CEACAM21: variants seen among roughly 807,000 people sequenced by gnomAD.
CEACAM21 encodes the protein cell adhesion molecule CEACAM21.
CEACAM21 carries 38 observed loss-of-function variants against 33.2 expected under a neutral mutation model. The observed-to-expected ratio is 1.14, with a 90% CI of 0.88 to 1.50. The LOEUF is 1.50. Ranked by LOEUF, CEACAM21 falls within the 40% of genes most tolerant of loss-of-function variation. CEACAM21 has a pLI of 0.00. For synonymous variants in CEACAM21, 156 were observed against 143.0 expected, an observed-to-expected ratio of 1.09 and a Z score of -0.65; for missense variants, 385 against 364.6, an observed-to-expected ratio of 1.06 and a Z score of -0.46.
chr19:41,576,705 G>T (rs1378285910), intron 1 of CEACAM21, among the ~76,000 whole-genome samples: 1 of 152,198 alleles, frequency 6.6e-6, no homozygotes, highest in East Asian at 1.9e-4. Flanking sequence ...GAACGCTCAT[G>T]AACTCATCCA....
intron 3 of CEACAM21, among the ~76,000 whole-genome samples, chr19:41,582,592 C>A (rs530064549): frequency 1.3e-5 from 2 of 152,378 alleles, no homozygotes; most frequent in Non-Finnish European, 1.5e-5. Context: ...TCCCAAACCT[C>A]AATCCTTGAC....
chr19:41,577,882 T>G (rs940761716), intron 2 of CEACAM21, among the ~76,000 whole-genome samples: 3 of 152,144 alleles, frequency 2.0e-5, no homozygotes, highest in Non-Finnish European at 4.4e-5. Flanking sequence ...TAGGACTCAG[T>G]CAGGGCCTGG....
At chr19:41,578,615 C>A (rs2043133549) in intron 2 of CEACAM21, among the ~76,000 whole-genome samples, 1 of 152,156 alleles carries the variant, frequency 6.6e-6, no homozygotes, top group Admixed American at 6.5e-5. Flanking sequence ...GCATCCTCAG[C>A]TCAGAGAGGG....
rs561080072 is a variant in CEACAM21 at position 41,586,417 on chromosome 19, G to A, written c.*1-47G>A. On this transcript the variant is annotated intron_variant, in intron 6 of 6. Coordinates refer to ENST00000401445, the MANE Select transcript of CEACAM21 (RefSeq NM_001098506.4). The stretch of plus-strand genomic sequence containing the variant: ...GGCCCAGAGAGAGATGCCAGACCCT[G>A]TTCTGAGAAGGCCTCAGGGGTCAAG... 9.8e-5 allele frequency: 61 copies of A among 622,046 alleles called. No individual in the cohort carries two copies. In the East Asian group the frequency reaches 2.4e-3, roughly 24 times the overall value. The allele number at this position is 622,046 out of a possible 1,614,324, so 38.5% of individuals were successfully genotyped here.
intron 3 of CEACAM21, among the ~76,000 whole-genome samples, chr19:41,580,997 A>G (rs1555793328): frequency 6.6e-6 from 1 of 152,238 alleles, no homozygotes; most frequent in Non-Finnish European, 1.5e-5. Context: ...GATTCTAAGG[A>G]CTTTAGAGTC....
At chr19:41,561,887 G>T (rs1213940554) in intron 1 of CEACAM21, among the ~76,000 whole-genome samples, 2 of 152,146 alleles carry the variant, frequency 1.3e-5, no homozygotes, top group African/African-American at 4.8e-5. Flanking sequence ...GAATTAGATA[G>T]AAAAAGTACT....
intron 2 of CEACAM21, among the ~76,000 whole-genome samples, chr19:41,568,297 G>A (rs373646857): frequency 2.5e-4 from 38 of 151,694 alleles, no homozygotes; most frequent in East Asian, 1.9e-4. Context: ...ATGAAATCCC[G>A]TTTGTTTATA....
intron 1 of CEACAM21, among the ~76,000 whole-genome samples, chr19:41,556,623 A>G (rs1459100762): frequency 1.3e-5 from 2 of 152,242 alleles, no homozygotes; most frequent in Non-Finnish European, 2.9e-5. Flanking sequence ...CACCAATACT[A>G]AATAGGTAAA....
upstream of CEACAM21, among the ~76,000 whole-genome samples, chr19:41,572,262 A>C (rs542349091): frequency 7.9e-5 from 12 of 152,278 alleles, no homozygotes; most frequent in South Asian, 2.5e-3. Flanking sequence ...TGATGACAGG[A>C]GTGCCCTTCA....
upstream of CEACAM21, among the ~76,000 whole-genome samples, chr19:41,575,486 T>C (rs191285620): frequency 2.0e-5 from 3 of 152,206 alleles, no homozygotes; most frequent in Non-Finnish European, 4.4e-5. Flanking sequence ...TTCAGGCAAC[T>C]GCAGATCCAC....
At chr19:41,550,304 C>T (rs2041133724) in intron 1 of CEACAM21, 1 of 152,146 alleles carries the variant, frequency 6.6e-6, no homozygotes, top group Non-Finnish European at 1.5e-5. Flanking sequence ...TGAATTTGAA[C>T]AGCATAAATA....
chr19:41,552,695 G>C (rs2041288341), intron 1 of CEACAM21, among the ~76,000 whole-genome samples: 1 of 152,168 alleles, frequency 6.6e-6, no homozygotes, highest in Non-Finnish European at 1.5e-5. Flanking sequence ...TGCTGAGAGG[G>C]GGTCATCGTT....
At chr19:41,556,590 CT>C (rs568975334) in intron 1 of CEACAM21, among the ~76,000 whole-genome samples, 1 of 152,072 alleles carries the variant, frequency 6.6e-6, no homozygotes, top group Non-Finnish European at 1.5e-5. Flanking sequence ...ACTCTTTAAA[CT>C]TTTTTTTACC....
intron 1 of CEACAM21, among the ~76,000 whole-genome samples, chr19:41,561,851 A>C (rs1468218165): frequency 1.3e-5 from 2 of 152,248 alleles, no homozygotes; most frequent in African/African-American, 4.8e-5. Context: ...GTCAGTCTAC[A>C]CACAAAGACC....
intron 1 of CEACAM21, among the ~76,000 whole-genome samples, chr19:41,563,422 G>A (rs2042028304): frequency 6.6e-6 from 1 of 152,182 alleles, no homozygotes. Flanking sequence ...AAGGAACCCT[G>A]GTGGGGTGGA....
At chr19:41,583,564 A>G (rs1026814205) in intron 3 of CEACAM21, among the ~76,000 whole-genome samples, 1 of 152,166 alleles carries the variant, frequency 6.6e-6, no homozygotes, top group Admixed American at 6.5e-5. Context: ...TTGATTCACA[A>G]TTCCACATGG....
intron 4 of CEACAM21, 136 bp from the exon 5 acceptor site, chr19:41,585,307 C>T (rs2070646387): frequency 1.2e-6 from 1 of 858,944 alleles, no homozygotes; most frequent in South Asian, 1.5e-5. Context: ...CTGGGCCCCT[C>T]CTACCACAGA....
intron 3 of CEACAM21, among the ~76,000 whole-genome samples, chr19:41,583,373 C>G (rs1555794077): frequency 1.3e-5 from 2 of 152,186 alleles, no homozygotes; most frequent in African/African-American, 4.8e-5. Flanking sequence ...GTGTCTTCTT[C>G]TGAGCCCTCC....
rs557436798 is a variant in CEACAM21 at position 41,584,495 on chromosome 19, G to A, written c.797+52G>A. On this transcript the variant is annotated intron_variant, in intron 4 of 6. Transcript: ENST00000401445. ...CCCATCCTTCACGCTGACCCCAGGCGAGAAGGAAGGAGACCCTGTCTTGTA... is the reference window on the plus strand; with the variant it reads ...CCCATCCTTCACGCTGACCCCAGGCAAGAAGGAAGGAGACCCTGTCTTGTA... 1.7e-5 allele frequency: 25 copies of A among 1,461,916 alleles called. No individual in the cohort carries two copies. The South Asian group carries it at 2.5e-4, about 15-fold the overall frequency. 90.6% of individuals were successfully genotyped at this position (1,461,916 alleles called of 1,614,324 possible). A position where few individuals can be genotyped will look rare whatever the true frequency, so the allele number is the denominator to read the frequency against.
Sources: gnomAD v4.1 joint callset for allele counts (sites outside exome capture counted in the v4.1 genomes callset) on GRCh38, gnomAD v4.1.1 for gene constraint, MANE v1.5 for transcripts, NCBI Gene and HGNC (gene_info 2026-07-23, HGNC 2026-07-21) for gene names.